Variants in BRAF observed in about 807,000 individuals in gnomAD.
The protein encoded by BRAF is B-Raf proto-oncogene, serine/threonine kinase, also known as serine/threonine-protein kinase B-raf.
A neutral mutation model predicts 104.6 loss-of-function variants in BRAF; 16 were observed. The ratio of observed to expected loss-of-function variants is 0.15; its 90% confidence interval spans 0.10 to 0.23. The LOEUF is 0.23. Ranked by LOEUF, BRAF falls within the 10% of genes least tolerant of loss-of-function variation. The pLI is 1.00. For missense variants in BRAF, 541 were observed against 937.3 expected (o/e 0.58, Z 5.52); for synonymous variants, 310 against 341.6 (o/e 0.91, Z 1.02).
At chr7:140,781,855 T>C (rs1035768935) in intron 11 of BRAF, among the ~76,000 whole-genome samples, 162 bp from the exon 11 acceptor site, 2 of 152,192 alleles carry the variant, frequency 1.3e-5, no homozygotes, top group African/African-American at 4.8e-5. Context: ...ACTCTTAAAA[T>C]ACAAAACTTA....
chr7:140,896,425 C>A (rs1201537950), intron 1 of BRAF, among the ~76,000 whole-genome samples: 4 of 152,056 alleles, frequency 2.6e-5, no homozygotes, highest in Non-Finnish European at 5.9e-5. Flanking sequence ...AAACTATAAA[C>A]CTTTTAAGGA....
rs900195236 is a variant in BRAF, at chr7:140,883,325, T to G, written c.139-33113A>C. 2.0e-5 allele frequency among the ~76,000 whole-genome samples: 3 copies of G among 152,186 alleles called. No individual in the cohort carries two copies. In the East Asian group the frequency reaches 5.8e-4, roughly 29 times the overall value. ...TGTTCTCCCCACAGGGCAATTTTGT[T>G]TTTCCTCTATGGTACCTTTATTTAT... On this transcript the variant is annotated intron_variant, in intron 1 of 19. Transcript: ENST00000644969.
intron 1 of BRAF, among the ~76,000 whole-genome samples, chr7:140,912,593 A>G (rs989965498): frequency 1.3e-5 from 2 of 151,982 alleles, no homozygotes; most frequent in African/African-American, 4.8e-5. Context: ...CACTTTCCTC[A>G]CTAGCTCTGG....
chr7:140,869,450 T>C (rs900408659), intron 1 of BRAF, among the ~76,000 whole-genome samples: 1 of 152,100 alleles, frequency 6.6e-6, no homozygotes, highest in Non-Finnish European at 1.5e-5. Context: ...CTGGCCAACA[T>C]GGCGAAACCC....
chr7:140,881,795 C>T (rs2129104527), intron 1 of BRAF, among the ~76,000 whole-genome samples: 1 of 152,252 alleles, frequency 6.6e-6, no homozygotes, highest in Non-Finnish European at 1.5e-5. Flanking sequence ...TGTCTCAGGG[C>T]ATGCGGAGGC....
rs1800706665 is a variant in BRAF at position 140,779,979 on chromosome 7, T to A, written c.1552+1597A>T. On this transcript the variant is annotated intron_variant, in intron 12 of 19. Coordinates refer to ENST00000644969, the MANE Select transcript of BRAF (RefSeq NM_001374258.1). ...AATAAATAAATAAAGATACTCAACC[T>A]GTATGTATATTTTAATAAGTTAAAT... The A allele has an allele frequency of 2.0e-5, 3 of 152,160 alleles. No individual in the cohort carries two copies. In the South Asian group the frequency reaches 6.2e-4, roughly 32 times the overall value. The allele number at this position is 152,160 out of a possible 1,614,324, so 9.4% of individuals were successfully genotyped here.
chr7:140,915,423 T>C (rs1411569315), intron 1 of BRAF, among the ~76,000 whole-genome samples: 2 of 151,858 alleles, frequency 1.3e-5, no homozygotes, highest in Non-Finnish European at 2.9e-5. Context: ...TTAAATATAA[T>C]TAAAGTATCT....
chr7:140,741,417 C>G (rs1408645564), intron 17 of BRAF: 1 of 152,170 alleles, frequency 6.6e-6, no homozygotes, highest in African/African-American at 2.4e-5. Flanking sequence ...AATGCCCTCC[C>G]TCACCCTTCT....
intron 17 of BRAF, among the ~76,000 whole-genome samples, chr7:140,746,019 G>A (rs1797315658): frequency 6.6e-6 from 1 of 152,106 alleles, no homozygotes; most frequent in Non-Finnish European, 1.5e-5. Context: ...AGCCACTTCT[G>A]AGTAGATCCT....
chr7:140,849,288 T>C (rs895201450), intron 2 of BRAF, among the ~76,000 whole-genome samples: 4 of 152,142 alleles, frequency 2.6e-5, no homozygotes, highest in African/African-American at 9.7e-5. Context: ...ATAGGATTAA[T>C]GAATATAAAT....
chr7:140,794,554 T>C, intron 7 of BRAF, 87 bp from the exon 8 acceptor site: 3 of 1,450,442 alleles, frequency 2.1e-6, no homozygotes, highest in Non-Finnish European at 2.9e-6. Context: ...AAGGATTTTC[T>C]TGTTTTTATA....
chr7:140,828,895 C>T (rs1162527962), intron 3 of BRAF, among the ~76,000 whole-genome samples: 9 of 152,160 alleles, frequency 5.9e-5, no homozygotes, highest in Non-Finnish European at 1.0e-4. Context: ...CACTACACCC[C>T]TGCCAATAAT....
chr7:140,909,868 A>C, intron 1 of BRAF, among the ~76,000 whole-genome samples: 1 of 152,188 alleles, frequency 6.6e-6, no homozygotes, highest in South Asian at 2.1e-4. Flanking sequence ...CATACACAAA[A>C]TGGAGTTACT....
At chr7:140,889,518 A>G (rs1813973664) in intron 1 of BRAF, among the ~76,000 whole-genome samples, 1 of 152,188 alleles carries the variant, frequency 6.6e-6, no homozygotes, top group Non-Finnish European at 1.5e-5. Flanking sequence ...TTTTTATGAT[A>G]GAGAACAAAA....
chr7:140,803,429 ACATAATGGTTAACTTTGG>A, intron 5 of BRAF, among the ~76,000 whole-genome samples: 3 of 152,198 alleles, frequency 2.0e-5, no homozygotes, highest in Non-Finnish European at 4.4e-5. Flanking sequence ...TGGTCCAAAA[ACATAATGGTTAACTTTGG>A]ATAAAAATGT....
chr7:140,758,461 C>CT (rs958010431), intron 14 of BRAF, among the ~76,000 whole-genome samples: 35 of 148,486 alleles, frequency 2.4e-4, no homozygotes, highest in Non-Finnish European at 2.8e-4. Context: ...GTTTCCTTCA[C>CT]TTTTTTTTTT....
chr7:140,720,932 T>C lies in BRAF; in HGVS notation c.*5562A>G. The C allele has an allele frequency of 1.0e-5, 11 of 1,065,796 alleles. No homozygotes were observed. Among genetic ancestry groups the C allele is most frequent in the Non-Finnish European group, 1.1e-5 (10 of 879,582 alleles). 66.0% of individuals were successfully genotyped at this position (1,065,796 alleles called of 1,614,324 possible). On this transcript the variant is annotated 3_prime_UTR_variant, in exon 20 of 20. Transcript: ENST00000644969. ...TGCCAACTCTCCCGCATATGTGCTG[T>C]ACATGAGAACCAGCGGTCACGGTGC...
intron 2 of BRAF, among the ~76,000 whole-genome samples, chr7:140,847,861 A>G (rs1324635582): frequency 6.6e-6 from 1 of 152,152 alleles, no homozygotes; most frequent in Non-Finnish European, 1.5e-5. Context: ...CGTAATTATT[A>G]TATTATACTG....
intron 1 of BRAF, among the ~76,000 whole-genome samples, chr7:140,871,962 A>G (rs539330799): frequency 1.3e-5 from 2 of 152,284 alleles, no homozygotes; most frequent in South Asian, 4.1e-4. Context: ...CATGCCTGTA[A>G]TCCTAGCACT....
Sources: allele counts gnomAD v4.1 joint callset (sites outside exome capture counted in the v4.1 genomes callset), GRCh38; gene constraint gnomAD v4.1.1; transcripts MANE v1.5; gene names NCBI Gene and HGNC (gene_info 2026-07-23, HGNC 2026-07-21).